The following SPRY3 variants were observed in gnomAD, a reference collection of about 807,000 sequenced individuals.
The protein encoded by SPRY3 is protein sprouty homolog 3.
A neutral mutation model predicts 20.2 loss-of-function variants in SPRY3; 15 were observed. That is an observed-to-expected ratio of 0.74 (90% CI 0.50 to 1.14). The LOEUF (loss-of-function observed/expected upper bound fraction) is 1.14, where lower values mean the gene tolerates loss of function less well. Among genes scored for constraint, SPRY3 ranks in the 50% most tolerant of loss-of-function variants. SPRY3 has a pLI of 0.00. For synonymous variants in SPRY3, 143 were observed against 136.5 expected (o/e 1.05, Z -0.33); for missense variants, 364 against 363.9 (o/e 1.00, Z 0.00).
chrX:155,775,415 T>C (rs2091418425), exon 4 of SPRY3: 1 of 167,236 alleles, frequency 6.0e-6, no homozygotes, highest in African/African-American at 2.4e-5. Context: ...TGTCCCTTTT[T>C]CTCTAACATG....
chrX:155,739,639 C>A (rs2091192594), intron 2 of SPRY3, among the ~76,000 whole-genome samples: 1 of 152,158 alleles, frequency 6.6e-6, no homozygotes, highest in Non-Finnish European at 1.5e-5. Context: ...GTTTTGCAGC[C>A]TTCACTGGTG....
At chrX:155,767,521 G>C (rs749150262) in intron 2 of SPRY3, among the ~76,000 whole-genome samples, 4 of 151,680 alleles carry the variant, frequency 2.6e-5, no homozygotes, top group African/African-American at 4.9e-5. Context: ...TGGAGGAGAG[G>C]GAGACCAAGG....
chrX:155,717,713 A>G (rs2091032295), intron 2 of SPRY3, among the ~76,000 whole-genome samples: 1 of 151,970 alleles, frequency 6.6e-6, no homozygotes, highest in Non-Finnish European at 1.5e-5. Flanking sequence ...AGCTTCATCC[A>G]TGTCCCTGGA....
intron 2 of SPRY3, among the ~76,000 whole-genome samples, chrX:155,704,340 C>T (rs2090933389): frequency 6.6e-6 from 1 of 151,510 alleles, no homozygotes; most frequent in Non-Finnish European, 1.5e-5. Context: ...AATATAAATG[C>T]TAGAAATAAA....
At chrX:155,683,620 G>A (rs780738797) in intron 2 of SPRY3, among the ~76,000 whole-genome samples, 1 of 111,921 alleles carries the variant, frequency 8.9e-6, no homozygotes, top group African/African-American at 3.2e-5. Flanking sequence ...TTGCTTTACT[G>A]TGGTGGTATG....
chrX:155,733,155 G>A (rs1485708018), intron 2 of SPRY3, among the ~76,000 whole-genome samples: 2 of 151,712 alleles, frequency 1.3e-5, no homozygotes, highest in African/African-American at 4.8e-5. Context: ...AAAAGAGTAT[G>A]TTTGGATTGT....
chrX:155,772,876 G>C (rs147965497), intron 3 of SPRY3, among the ~76,000 whole-genome samples: 2,400 of 152,186 alleles, frequency 0.016, 94 homozygotes, highest in Admixed American at 0.085. Context: ...AGCAGATTCT[G>C]CTTGGTAAGT....
intron 2 of SPRY3, among the ~76,000 whole-genome samples, chrX:155,662,065 C>T (rs1022152355): frequency 1.8e-5 from 2 of 111,637 alleles, no homozygotes; most frequent in Non-Finnish European, 3.8e-5. Flanking sequence ...GACTAGAATC[C>T]ATTGCTAGAG....
At chrX:155,781,280 G>T (rs1156430424), downstream of SPRY3, 1 of 167,010 alleles carries the variant, frequency 6.0e-6, no homozygotes, top group East Asian at 1.9e-4. Flanking sequence ...AGAAATACCA[G>T]ACTGGATTTG....
At chrX:155,782,214 G>A (rs1297573205) in exon 2 of SPRY3, 1 of 166,952 alleles carries the variant, frequency 6.0e-6, no homozygotes, top group African/African-American at 2.4e-5. Context: ...TGGAGGAAAG[G>A]GGCTTTCTGA....
intron 1 of SPRY3, among the ~76,000 whole-genome samples, chrX:155,645,914 C>T (rs2067956360): frequency 9.0e-6 from 1 of 111,712 alleles, no homozygotes; most frequent in South Asian, 3.7e-4. Flanking sequence ...TCCCTCCCCT[C>T]TCCAGATTCA....
intron 2 of SPRY3, among the ~76,000 whole-genome samples, chrX:155,760,613 C>T (rs1204457590): frequency 1.3e-5 from 2 of 152,070 alleles, no homozygotes; most frequent in Non-Finnish European, 2.9e-5. Context: ...ATTTTTCCAC[C>T]ACGGTGGTGG....
At chrX:155,629,716 G>A (rs1246552042) in intron 1 of SPRY3, among the ~76,000 whole-genome samples, 1 of 111,765 alleles carries the variant, frequency 8.9e-6, no homozygotes. Context: ...GTGTGAGGTG[G>A]TATCTCATTG....
At chrX:155,726,284 ATG>A (rs2091096361) in intron 2 of SPRY3, among the ~76,000 whole-genome samples, 1 of 152,188 alleles carries the variant, frequency 6.6e-6, no homozygotes. Context: ...GCTGAGAAGA[ATG>A]TATATTCTGT....
chrX:155,684,993 T>C (rs1209084056), intron 2 of SPRY3, among the ~76,000 whole-genome samples: 1 of 111,864 alleles, frequency 8.9e-6, no homozygotes, highest in Non-Finnish European at 1.9e-5. Flanking sequence ...GAATACATTG[T>C]TTTTCTACGG....
At chrX:155,686,405 T>A (rs936965570) in intron 2 of SPRY3, among the ~76,000 whole-genome samples, 1 of 112,098 alleles carries the variant, frequency 8.9e-6, no homozygotes, top group African/African-American at 3.2e-5. Flanking sequence ...TATTTTTTAG[T>A]CTTCTTTGTA....
intron 3 of SPRY3, among the ~76,000 whole-genome samples, chrX:155,768,492 G>T (rs1430239154): frequency 6.6e-6 from 1 of 151,976 alleles, no homozygotes; most frequent in Non-Finnish European, 1.5e-5. Context: ...GCTGAGGACA[G>T]AGAGAGAGCC....
At chrX:155,693,378 A>T (rs1358351631) in intron 2 of SPRY3, among the ~76,000 whole-genome samples, 1 of 111,887 alleles carries the variant, frequency 8.9e-6, no homozygotes, top group Non-Finnish European at 1.9e-5. Context: ...ATTTATTGAA[A>T]CTTGTTTTAT....
intron 2 of SPRY3, among the ~76,000 whole-genome samples, chrX:155,661,226 G>A (rs782543923): frequency 7.2e-5 from 8 of 111,448 alleles, no homozygotes; most frequent in South Asian, 3.7e-4. Context: ...CTGGTCTAGC[G>A]GTGACAAATT....
Sources: gnomAD v4.1 joint callset for allele counts (sites outside exome capture counted in the v4.1 genomes callset) on GRCh38, gnomAD v4.1.1 for gene constraint, MANE v1.5 for transcripts, NCBI Gene and HGNC (gene_info 2026-07-23, HGNC 2026-07-21) for gene names.